The following NPSR1 variants were observed in gnomAD, a reference collection of about 807,000 sequenced individuals.
NPSR1 encodes the protein neuropeptide S receptor.
NPSR1 carries 48 observed loss-of-function variants against 46.9 expected under a neutral mutation model. The observed-to-expected ratio is 1.02, with a 90% CI of 0.81 to 1.30. The LOEUF (loss-of-function observed/expected upper bound fraction) is 1.30. NPSR1 is among the 50% of genes most tolerant of loss of function. The pLI is 0.00. For synonymous variants in NPSR1, 176 were observed against 168.1 expected (o/e 1.05, Z -0.36); for missense variants, 450 against 449.5 (o/e 1.00, Z -0.01).
At chr7:34,698,524 T>C (rs994567776) in intron 2 of NPSR1, among the ~76,000 whole-genome samples, 3 of 152,164 alleles carry the variant, frequency 2.0e-5, no homozygotes, top group Non-Finnish European at 4.4e-5. Flanking sequence ...TCAAACACTG[T>C]GCTGATCAAA....
rs977424548 is a variant in NPSR1, at chr7:34,848,608, G to T, written c.970G>T (p.Ala324Ser). Residue 324 changes from alanine to serine, a missense_variant, in exon 8 of 9, where the codon GCC becomes TCC. Coordinates refer to ENST00000360581, the MANE Select transcript of NPSR1 (RefSeq NM_207172.2). Reference sequence around the variant, plus strand: ...TCAGAACCTGCCAGCATTGAATAGTGCCATCAACCCCCTCATCTACTGTGT... The same window carrying T: ...TCAGAACCTGCCAGCATTGAATAGTTCCATCAACCCCCTCATCTACTGTGT... ...IIQNLPALNS[A>S]INPLIYCVFS... 4 of 1,614,132 alleles carry T rather than the reference G, an allele frequency of 2.5e-6. No individual in the cohort carries two copies. Among genetic ancestry groups the T allele is most frequent in the Non-Finnish European group, 3.4e-6 (4 of 1,180,020 alleles).
intron 1 of NPSR1, among the ~76,000 whole-genome samples, chr7:34,663,069 G>GTGTGTGTGTGTGTGTT (rs1203512481): frequency 1.8e-4 from 13 of 71,028 alleles, no homozygotes; most frequent in African/African-American, 6.5e-4. Flanking sequence ...CTCTCTCTCT[G>GTGTGTGTGTGTGTGTT]TGTGTGTGTG....
intron 2 of NPSR1, among the ~76,000 whole-genome samples, chr7:34,760,166 T>TA (rs1453615821): frequency 6.6e-6 from 1 of 152,178 alleles, no homozygotes; most frequent in Non-Finnish European, 1.5e-5. Context: ...CTCTACTTCT[T>TA]ATGTGTCAAT....
intron 4 of NPSR1, among the ~76,000 whole-genome samples, chr7:34,814,935 G>T (rs2128751878): frequency 6.6e-6 from 1 of 152,268 alleles, no homozygotes. Context: ...AAGACCAAAG[G>T]TAGATAAAAC....
At chr7:34,849,329 TAGC>T in intron 8 of NPSR1, 1 of 1,547,964 alleles carries the variant, frequency 6.5e-7, no homozygotes, top group Non-Finnish European at 8.7e-7. Flanking sequence ...ACAGGGCTAA[TAGC>T]AGTGTCTACC....
chr7:34,808,316 G>T (rs112115416), intron 3 of NPSR1, among the ~76,000 whole-genome samples: 1 of 152,122 alleles, frequency 6.6e-6, no homozygotes, highest in Non-Finnish European at 1.5e-5. Flanking sequence ...GTAGTAGTTT[G>T]TTACAGCCAC....
intron 8 of NPSR1, chr7:34,878,044 A>G (rs1442126090): frequency 7.4e-6 from 10 of 1,350,192 alleles, no homozygotes; most frequent in South Asian, 1.2e-5. Flanking sequence ...CCAGGTCCCT[A>G]TACATTTCAA....
chr7:34,744,280 T>C (rs1261939734), intron 2 of NPSR1, among the ~76,000 whole-genome samples: 1 of 152,226 alleles, frequency 6.6e-6, no homozygotes, highest in Non-Finnish European at 1.5e-5. Flanking sequence ...TTGATATCAC[T>C]ACAGGATTTT....
At chr7:34,796,520 AC>A (rs1157166641) in intron 3 of NPSR1, among the ~76,000 whole-genome samples, 1 of 152,206 alleles carries the variant, frequency 6.6e-6, no homozygotes, top group African/African-American at 2.4e-5. Flanking sequence ...GGTCAAAAAA[AC>A]AGACACCTCA....
intron 1 of NPSR1, chr7:34,660,111 T>C: frequency 2.2e-6 from 1 of 456,724 alleles, no homozygotes; most frequent in South Asian, 1.5e-5. Context: ...GTGTTTGTCC[T>C]CTCTATCCTA....
At chr7:34,768,923 T>C (rs1786551655) in intron 2 of NPSR1, among the ~76,000 whole-genome samples, 1 of 152,118 alleles carries the variant, frequency 6.6e-6, no homozygotes, top group Admixed American at 6.6e-5. Context: ...GTATTATGGG[T>C]TCCTGGCTTG....
At chr7:34,785,049 A>G (rs1787397512) in intron 3 of NPSR1, among the ~76,000 whole-genome samples, 1 of 152,062 alleles carries the variant, frequency 6.6e-6, no homozygotes, top group Admixed American at 6.6e-5. Flanking sequence ...CCAAAGGACT[A>G]TAAATCATGC....
At chr7:34,792,621 ATGTGTGTGTGTGTGTATGTG>A (rs1787940037) in intron 3 of NPSR1, among the ~76,000 whole-genome samples, 1 of 117,442 alleles carries the variant, frequency 8.5e-6, no homozygotes, top group Non-Finnish European at 1.8e-5. Flanking sequence ...ATATGTGTAT[ATGTGTGTGTGTGTGTATGTG>A]TATATATATA....
intron 2 of NPSR1, among the ~76,000 whole-genome samples, chr7:34,718,645 G>T (rs1202050117): frequency 6.6e-6 from 1 of 152,150 alleles, no homozygotes; most frequent in Non-Finnish European, 1.5e-5. Flanking sequence ...AAGGAATCTT[G>T]GTGTTTGTAG....
rs1252295180 is a variant in NPSR1, at chr7:34,849,699, C to T, written c.*44C>T. 1.9e-6 allele frequency: 3 copies of T among 1,604,836 alleles called. No individual in the cohort carries two copies. The highest frequency in any genetic ancestry group is 2.7e-5 in the African/African-American group (2 of 74,638). On this transcript the variant is annotated 3_prime_UTR_variant, in exon 9 of 9. Coordinates refer to ENST00000360581, the MANE Select transcript of NPSR1 (RefSeq NM_207172.2). ...TGCTAGGCTGAGCACCATCAGCTCT[C>T]CCAGGTCCTTGTCACCTGCTTGGGC...
chr7:34,664,820 A>G (rs546632101), intron 1 of NPSR1, among the ~76,000 whole-genome samples: 1 of 152,314 alleles, frequency 6.6e-6, no homozygotes, highest in East Asian at 1.9e-4. Flanking sequence ...CTCTGCTGTG[A>G]AGATTTTCCA....
chr7:34,679,896 TAATACTA>T (rs985973699), intron 1 of NPSR1, among the ~76,000 whole-genome samples: 8 of 152,114 alleles, frequency 5.3e-5, no homozygotes, highest in Middle Eastern at 3.2e-3. Flanking sequence ...AAACTAATCC[TAATACTA>T]AATACAAAAT....
intron 4 of NPSR1, among the ~76,000 whole-genome samples, chr7:34,824,016 A>G (rs1420070597): frequency 6.6e-6 from 1 of 152,222 alleles, no homozygotes; most frequent in Non-Finnish European, 1.5e-5. Flanking sequence ...CACTTGTACA[A>G]GTTCATATTT....
At chr7:34,730,951 G>C (rs1419789) in intron 2 of NPSR1, among the ~76,000 whole-genome samples, 35,541 of 151,996 alleles carry the variant, frequency 0.23, 4,781 homozygotes, top group African/African-American at 0.39. Flanking sequence ...AGAGAATATA[G>C]TAAAATAGGT....
Sources: gnomAD v4.1 joint callset for allele counts (sites outside exome capture counted in the v4.1 genomes callset) on GRCh38, gnomAD v4.1.1 for gene constraint, MANE v1.5 for transcripts, NCBI Gene and HGNC (gene_info 2026-07-23, HGNC 2026-07-21) for gene names.